ZNF804B: variants seen among roughly 807,000 people sequenced by gnomAD.
ZNF804B encodes zinc finger 804B.
A neutral mutation model predicts 101.4 loss-of-function variants in ZNF804B; 80 were observed. The ratio of observed to expected loss-of-function variants is 0.79; its 90% CI spans 0.66 to 0.95. The LOEUF (loss-of-function observed/expected upper bound fraction) is 0.95, where lower values mean the gene tolerates loss of function less well. Among genes scored for constraint, ZNF804B ranks in the 40% least tolerant of loss-of-function variants. ZNF804B has a pLI of 0.00. For synonymous variants in ZNF804B, 622 were observed against 558.8 expected (o/e 1.11, Z -1.59); for missense variants, 1,673 against 1,561.9 (o/e 1.07, Z -1.20).
chr7:89,304,361 G>A (rs1421187138), intron 2 of ZNF804B, among the ~76,000 whole-genome samples: 4 of 151,814 alleles, frequency 2.6e-5, no homozygotes, highest in African/African-American at 9.7e-5. Flanking sequence ...ATGGGGTTGA[G>A]TTCAATTTCT....
At chr7:89,052,872 C>A (rs1046436987) in intron 1 of ZNF804B, among the ~76,000 whole-genome samples, 12 of 152,284 alleles carry the variant, frequency 7.9e-5, no homozygotes, top group Middle Eastern at 3.4e-3. Context: ...ACACTACTTA[C>A]CCTTTGGTCA....
At chr7:89,009,366 T>C (rs557531832) in intron 1 of ZNF804B, among the ~76,000 whole-genome samples, 3 of 152,308 alleles carry the variant, frequency 2.0e-5, no homozygotes, top group Non-Finnish European at 4.4e-5. Flanking sequence ...CTCTCAATCT[T>C]CTCAATTTCA....
rs553773938 is a variant in ZNF804B at position 89,334,359 on chromosome 7, G to A, written c.1377G>A (p.Thr459=). 12 of 1,613,730 alleles carry A rather than the reference G, an allele frequency of 7.4e-6. No homozygotes were observed. The highest frequency in any genetic ancestry group is 5.0e-5 in the Admixed American group (3 of 59,922). The change falls in exon 4 of 4, where the codon ACG becomes ACA. Residue 459 remains threonine (T), a synonymous_variant. Transcript: ENST00000333190. ...GCCACACCACTCTTCAATGGCCTAC[G>A]GAACTTCTGCTCTTTACAAAAACAG... ...KDGHTTLQWP[T]ELLLFTKTEP...
At chr7:89,032,720 G>T (rs914807865) in intron 1 of ZNF804B, among the ~76,000 whole-genome samples, 30 of 152,058 alleles carry the variant, frequency 2.0e-4, no homozygotes, top group Non-Finnish European at 3.2e-4. Context: ...AGACATCAGG[G>T]AGTAGGAGGT....
chr7:89,187,890 A>G (rs554582349), intron 1 of ZNF804B, among the ~76,000 whole-genome samples: 1 of 152,232 alleles, frequency 6.6e-6, no homozygotes, highest in Non-Finnish European at 1.5e-5. Context: ...AGAGGTAGGA[A>G]AATTGTGAAT....
intron 1 of ZNF804B, among the ~76,000 whole-genome samples, chr7:89,094,696 T>A (rs1789946075): frequency 6.6e-6 from 1 of 152,120 alleles, no homozygotes; most frequent in Non-Finnish European, 1.5e-5. Flanking sequence ...GTTTGTAGAC[T>A]TTTTCAAAAC....
intron 1 of ZNF804B, among the ~76,000 whole-genome samples, chr7:88,845,582 T>G (rs11765081): frequency 0.18 from 25,982 of 142,174 alleles, 2,293 homozygotes; most frequent in African/African-American, 0.27. Context: ...TTGCTCAGGG[T>G]TTTTTTTTTT....
chr7:89,334,977 T>A lies in ZNF804B; in HGVS notation c.1995T>A (p.Gly665=). The change falls in exon 4 of 4, where the codon GGT becomes GGA. Residue 665 remains glycine, a synonymous_variant. Transcript: ENST00000333190. Reference sequence around the variant, plus strand: ...AGTCCAGTCCTTGTACAGTAGGGGGTCACAGTGACCATGGGAAAGACTTCA... The same window carrying A: ...AGTCCAGTCCTTGTACAGTAGGGGGACACAGTGACCATGGGAAAGACTTCA... ...NCKSSPCTVG[G]HSDHGKDFSV... 1 of 1,613,754 alleles carries A rather than the reference T, an allele frequency of 6.2e-7. No homozygotes were observed. Among genetic ancestry groups the A allele is most frequent in the Non-Finnish European group, 8.5e-7 (1 of 1,179,856 alleles).
chr7:88,966,794 CAG>C (rs1372800336), intron 1 of ZNF804B, among the ~76,000 whole-genome samples: 2 of 151,328 alleles, frequency 1.3e-5, no homozygotes, highest in South Asian at 2.1e-4. Flanking sequence ...AATACATATA[CAG>C]AGAGAGATTA....
rs769788371 is a variant in ZNF804B at position 88,759,933 on chromosome 7, C to T, written c.-44C>T. The T allele has an allele frequency of 6.4e-7, 1 of 1,553,438 alleles. No individual in the cohort carries two copies. Among genetic ancestry groups the T allele is most frequent in the South Asian group, 1.1e-5 (1 of 89,566 alleles). ...AACCCGCCCGCTTTCCACGGCTGGT[C>T]GCCTGGTGAGGAGTTGAGACTCTGC... On this transcript the variant is annotated 5_prime_UTR_variant, in exon 1 of 4. Transcript: ENST00000333190.
intron 1 of ZNF804B, among the ~76,000 whole-genome samples, chr7:89,017,022 TTTGTAGTTCTCC>T (rs1788576539): frequency 6.6e-6 from 1 of 152,196 alleles, no homozygotes; most frequent in Non-Finnish European, 1.5e-5. Flanking sequence ...TGAGCTGTGG[TTTGTAGTTCTCC>T]TTGAAGAGGT....
At chr7:89,307,078 TA>T (rs1235350993) in intron 2 of ZNF804B, among the ~76,000 whole-genome samples, 1 of 152,032 alleles carries the variant, frequency 6.6e-6, no homozygotes, top group African/African-American at 2.4e-5. Flanking sequence ...CTAGGTTGTA[TA>T]AAAACATTAT....
intron 1 of ZNF804B, among the ~76,000 whole-genome samples, chr7:88,888,646 A>G (rs1562823471): frequency 6.6e-6 from 1 of 152,162 alleles, no homozygotes. Context: ...TTTTATTACT[A>G]TAACTGTTTG....
Position 89,336,334 on chromosome 7 carries a change from T to G in ZNF804B, c.3352T>G (p.Tyr1118Asp), listed in dbSNP as rs142565701. 5.2e-3 allele frequency: 8,409 copies of G among 1,613,944 alleles called. 38 individuals carry two copies. The highest frequency in any genetic ancestry group is 0.027 in the Middle Eastern group (164 of 6,062). ...TGTAGAGGGAAATATAAACTCTTAC[T>G]ATGACAGAACTATGCAGAAACCTGA... ...NHVEGNINSY[Y>D]DRTMQKPDKV... Residue 1118 changes from tyrosine to aspartate, a missense_variant, in exon 4 of 4, where the codon TAT becomes GAT. Transcript: ENST00000333190.
chr7:89,042,850 A>G (rs1338915686), intron 1 of ZNF804B, among the ~76,000 whole-genome samples: 2 of 152,166 alleles, frequency 1.3e-5, no homozygotes, highest in Admixed American at 6.5e-5. Context: ...AGATCTGAGT[A>G]TCCTGTATTT....
chr7:89,170,557 C>G (rs770674597), intron 1 of ZNF804B, among the ~76,000 whole-genome samples: 6 of 152,108 alleles, frequency 3.9e-5, no homozygotes, highest in Non-Finnish European at 7.4e-5. Flanking sequence ...CAGTCTACCC[C>G]CTTCAGTAGA....
At chr7:89,204,484 C>G (rs1422457571) in intron 1 of ZNF804B, among the ~76,000 whole-genome samples, 1 of 152,124 alleles carries the variant, frequency 6.6e-6, no homozygotes, top group South Asian at 2.1e-4. Context: ...TTCTTCCAAT[C>G]ATAAAGATTT....
intron 1 of ZNF804B, among the ~76,000 whole-genome samples, chr7:88,962,532 G>A (rs1793400393): frequency 6.6e-6 from 1 of 150,612 alleles, no homozygotes; most frequent in Non-Finnish European, 1.5e-5. Flanking sequence ...TAATTAGAAG[G>A]AACATTCTCC....
intron 1 of ZNF804B, among the ~76,000 whole-genome samples, chr7:88,846,263 A>T (rs1453698205): frequency 1.3e-5 from 2 of 152,212 alleles, no homozygotes; most frequent in Non-Finnish European, 2.9e-5. Context: ...CCACCCGCAG[A>T]GTCACTGGTA....
Sources: allele counts gnomAD v4.1 joint callset (sites outside exome capture counted in the v4.1 genomes callset), GRCh38; gene constraint gnomAD v4.1.1; transcripts MANE v1.5; gene names NCBI Gene and HGNC (gene_info 2026-07-23, HGNC 2026-07-21).